ASTL: variants seen among roughly 807,000 people sequenced by gnomAD.
ASTL encodes astacin like metalloendopeptidase.
A neutral mutation model predicts 36.7 loss-of-function variants in ASTL; 27 were observed. The ratio of observed to expected loss-of-function variants is 0.73; its 90% confidence interval spans 0.54 to 1.01. ASTL has a LOEUF of 1.01. ASTL is among the 50% of genes least tolerant of loss of function. The pLI is 0.00. For missense variants in ASTL, 524 were observed against 572.8 expected, an observed-to-expected ratio of 0.91 and a Z score of 0.87; for synonymous variants, 222 against 228.1, an observed-to-expected ratio of 0.97 and a Z score of 0.24.
rs760596503 is a variant in ASTL, at chr2:96,131,063, A to G, written c.638-918T>C. Among the ~76,000 whole-genome samples, 6 of 152,186 alleles carry G rather than the reference A, an allele frequency of 3.9e-5. No homozygotes were observed. The South Asian group carries it at 6.2e-4, about 16-fold the overall frequency. ...CCTAAATGGGAACAAATATGTTCTC[A>G]TTTTTTCCACTGGGGAACCCGTGTT... On this transcript the variant is annotated intron_variant, in intron 6 of 8. Transcript: ENST00000342380.
chr2:96,133,851 G>A (rs895244553), intron 4 of ASTL, 114 bp downstream of exon 4: 16 of 758,572 alleles, frequency 2.1e-5, no homozygotes, highest in Admixed American at 4.0e-5. Context: ...CAGGTTCTTC[G>A]GGTGGGGAGG....
chr2:96,132,334 G>A lies in ASTL; in HGVS notation c.637+206C>T, dbSNP rs1682197027. 6.6e-6 allele frequency among the ~76,000 whole-genome samples: 1 copy of A among 152,230 alleles called. No individual in the cohort carries two copies. Among genetic ancestry groups the A allele is most frequent in the Non-Finnish European group, 1.5e-5 (1 of 68,030 alleles). ...TAAGGCACAACTACAGGTGGGTAGA[G>A]GAAGGCCTGGGGCCCAGAGCAGCAC... On this transcript the variant is annotated intron_variant, in intron 6 of 8. Coordinates refer to ENST00000342380, the MANE Select transcript of ASTL (RefSeq NM_001002036.4). This position sits in a 1 kb window ranked among gnomAD's most constrained non-coding sequence, Gnocchi z 5.4.
chr2:96,125,069 G>A (rs1573909150), intron 8 of ASTL, among the ~76,000 whole-genome samples: 4 of 152,148 alleles, frequency 2.6e-5, no homozygotes. Flanking sequence ...CTGAGGTAGC[G>A]CGGCTCTGCA....
rs1682199295 is a variant in ASTL at position 96,132,445 on chromosome 2, A to G, written c.637+95T>C. The G allele has an allele frequency of 8.7e-7, 1 of 1,146,862 alleles. No individual in the cohort carries two copies. Among genetic ancestry groups the G allele is most frequent in the East Asian group, 2.6e-5 (1 of 38,852 alleles). The allele number at this position is 1,146,862 out of a possible 1,614,324, so 71.0% of individuals were successfully genotyped here. A position where few individuals can be genotyped will look rare whatever the true frequency, so the allele number is the denominator to read the frequency against. On this transcript the variant is annotated intron_variant, in intron 6 of 8. Coordinates refer to ENST00000342380, the MANE Select transcript of ASTL (RefSeq NM_001002036.4). The surrounding 1 kb of genome is among the most constrained non-coding windows in gnomAD (Gnocchi z 5.4). ...AGGAAGCAGGCAGGTGATGGGGAGG[A>G]TGGATAGCCTCACCCATGGGGACCA...
intron 8 of ASTL, among the ~76,000 whole-genome samples, chr2:96,126,975 C>T (rs938766124): frequency 3.3e-5 from 5 of 152,120 alleles, no homozygotes; most frequent in Non-Finnish European, 5.9e-5. Flanking sequence ...ACATAAATGA[C>T]CATAGTAGCT....
intron 4 of ASTL, 87 bp from the exon 5 acceptor site, chr2:96,133,629 C>T (rs1426788769): frequency 1.0e-6 from 1 of 979,496 alleles, no homozygotes; most frequent in Admixed American, 1.8e-5. Flanking sequence ...TCTGAACTCA[C>T]TCTCCCAAAA....
intron 4 of ASTL, 112 bp from the exon 5 acceptor site, chr2:96,133,654 G>C: frequency 1.2e-6 from 1 of 821,184 alleles, no homozygotes; most frequent in Admixed American, 2.0e-5. Context: ...ATCAAGAAAG[G>C]GCAGCTTAGT....
In ASTL at chr2:96,123,734, G is replaced by C. The variant is rs1018533673; in HGVS notation, c.*116C>G. The C allele has an allele frequency of 2.0e-5, 16 of 780,934 alleles. No individual in the cohort carries two copies. The highest frequency in any genetic ancestry group is 3.4e-5 in the African/African-American group (2 of 58,104). The allele number at this position is 780,934 out of a possible 1,614,324, so 48.4% of individuals were successfully genotyped here. A position where few individuals can be genotyped will look rare whatever the true frequency, so the allele number is the denominator to read the frequency against. On this transcript the variant is annotated 3_prime_UTR_variant, in exon 9 of 9. Transcript: ENST00000342380. ...GGGAAGAGTCCTGGCCCTCTGAGAT[G>C]GGGTGGTAGGTTGGGGCTGGAAGAC...
In ASTL at chr2:96,132,778, C is replaced by T; in HGVS notation, c.456-57G>A. ...GCCAGCCCAGATCCCTCCGGACATA[C>T]AGACCTGGGCTCTCCCTCCCCACAC... On this transcript the variant is annotated intron_variant, in intron 5 of 8. Coordinates refer to ENST00000342380, the MANE Select transcript of ASTL (RefSeq NM_001002036.4). The surrounding 1 kb of genome is among the most constrained non-coding windows in gnomAD (Gnocchi z 5.4). The T allele has an allele frequency of 4.0e-6, 6 of 1,484,206 alleles. No homozygotes were observed. Among genetic ancestry groups the T allele is most frequent in the South Asian group, 1.2e-5 (1 of 80,628 alleles). 91.9% of individuals were successfully genotyped at this position (1,484,206 alleles called of 1,614,324 possible).
chr2:96,126,227 C>CA (rs1322148678), intron 8 of ASTL, among the ~76,000 whole-genome samples: 2 of 151,790 alleles, frequency 1.3e-5, no homozygotes, highest in African/African-American at 4.8e-5. Flanking sequence ...GTGGGAAAAA[C>CA]AAAAAACATA....
In ASTL at chr2:96,124,189, T is replaced by G. The variant is rs1213158637; in HGVS notation, c.957A>C (p.Glu319Asp). Residue 319 changes from glutamate to aspartate, a missense_variant, in exon 9 of 9, where the codon GAA (glutamate) becomes GAC (aspartate). Coordinates refer to ENST00000342380, the MANE Select transcript of ASTL (RefSeq NM_001002036.4). The surrounding 1 kb of genome is among the most constrained non-coding windows in gnomAD (Gnocchi z 4.1). Reference sequence around the variant, plus strand: ...AACCACTGGGGTCGGGGCTCCTGGATTCCGCCGACAGTGCCTCCAAAAGCC... The same window carrying G: ...AACCACTGGGGTCGGGGCTCCTGGAGTCCGCCGACAGTGCCTCCAAAAGCC... Reference protein sequence around the residue: ...LQRLLEALSAESRSPDPSGSS... With the variant: ...LQRLLEALSADSRSPDPSGSS... 6.5e-7 allele frequency: 1 copy of G among 1,529,476 alleles called. No individual in the cohort carries two copies. The highest frequency in any genetic ancestry group is 2.1e-5 in the Admixed American group (1 of 46,734). The allele number at this position is 1,529,476 out of a possible 1,614,324, so 94.7% of individuals were successfully genotyped here. A position where few individuals can be genotyped will look rare whatever the true frequency, so the allele number is the denominator to read the frequency against.
At chr2:96,138,519 C>A (rs1033405906), upstream of ASTL, 2 of 1,208,088 alleles carry the variant, frequency 1.7e-6, no homozygotes, top group African/African-American at 1.5e-5. Context: ...GGCACCACCA[C>A]CCCCTCTTAA....
Position 96,137,648 on chromosome 2 carries a change from G to A in ASTL, c.108C>T (p.Thr36=), listed in dbSNP as rs1682330243. The A allele has an allele frequency of 1.4e-5, 23 of 1,613,782 alleles. No individual in the cohort carries two copies. Among genetic ancestry groups the A allele is most frequent in the Non-Finnish European group, 1.9e-5 (22 of 1,179,880 alleles). ...LASSCAGACG[T]SFPDGLTPEG... The stretch of plus-strand genomic sequence containing the variant: ...CAGGGGTGAGGCCATCTGGGAAGCT[G>A]GTACCACAGGCTCCTGCGCAGCTGG... Residue 36 remains threonine, a synonymous_variant, in exon 2 of 9, where the codon ACC becomes ACT. Coordinates refer to ENST00000342380, the MANE Select transcript of ASTL (RefSeq NM_001002036.4).
At chr2:96,129,040 TAAAA>T (rs988406747) in intron 8 of ASTL, among the ~76,000 whole-genome samples, 1 of 140,790 alleles carries the variant, frequency 7.1e-6, no homozygotes, top group East Asian at 2.0e-4. Flanking sequence ...ACTCCATCTT[TAAAA>T]AAAAAAAAGA....
Position 96,122,901 on chromosome 2 carries a change from C to A in ASTL, c.*949G>T, listed in dbSNP as rs1419370363. Among the ~76,000 whole-genome samples the A allele has an allele frequency of 2.0e-5, 3 of 152,244 alleles. No homozygotes were observed. Among genetic ancestry groups the A allele is most frequent in the Non-Finnish European group, 2.9e-5 (2 of 68,040 alleles). On this transcript the variant is annotated 3_prime_UTR_variant, in exon 9 of 9. Coordinates refer to ENST00000342380, the MANE Select transcript of ASTL (RefSeq NM_001002036.4). ...TACCCCAAGCAGGGCTTCCTTGACC[C>A]TCTGAAAGGCCACCAAAACAGTACC...
intron 4 of ASTL, 99 bp downstream of exon 4, chr2:96,133,866 A>G: frequency 1.2e-6 from 1 of 816,150 alleles, no homozygotes. Context: ...GGGAGGTGGA[A>G]GGGATGTGAT....
chr2:96,135,273 G>A (rs1682270249), intron 3 of ASTL, 78 bp downstream of exon 3: 3 of 1,204,918 alleles, frequency 2.5e-6, no homozygotes, highest in Non-Finnish European at 2.4e-6. Context: ...AGGCCCCATG[G>A]CATCCAGGGT....
intron 8 of ASTL, among the ~76,000 whole-genome samples, chr2:96,127,814 G>A (rs759028676): frequency 6.6e-5 from 10 of 152,166 alleles, no homozygotes; most frequent in African/African-American, 1.9e-4. Context: ...AAGCTCAAGC[G>A]ATCCACCCAC....
intron 8 of ASTL, among the ~76,000 whole-genome samples, chr2:96,127,046 C>T (rs901751692): frequency 6.6e-6 from 1 of 152,160 alleles, no homozygotes; most frequent in African/African-American, 2.4e-5. Context: ...CTAAGTATGG[C>T]ATATCTATCC....
Sources: gnomAD v4.1 joint callset for allele counts (sites outside exome capture counted in the v4.1 genomes callset) on GRCh38, gnomAD v4.1.1 for gene constraint, Gnocchi (gnomAD v3.1) non-coding constraint, MANE v1.5 for transcripts, NCBI Gene and HGNC (gene_info 2026-07-23, HGNC 2026-07-21) for gene names.